The following PIP4K2A variants were observed in gnomAD, a reference collection of about 807,000 sequenced individuals.
The protein encoded by PIP4K2A is phosphatidylinositol 5-phosphate 4-kinase type-2 alpha.
In PIP4K2A, 14 loss-of-function variants were observed where a neutral mutation model predicts 42.9. The observed-to-expected ratio is 0.33, with a 90% CI of 0.22 to 0.51. PIP4K2A has a LOEUF of 0.51. Ranked by LOEUF, PIP4K2A falls within the 20% of genes least tolerant of loss-of-function variation. The pLI, the probability that PIP4K2A is intolerant of heterozygous loss-of-function variation, is 0.97. For missense variants in PIP4K2A, 434 were observed against 519.8 expected (o/e 0.83, Z 1.61); for synonymous variants, 192 against 192.2 (o/e 1.00, Z 0.01).
chr10:22,553,131 G>C (rs758613251), intron 6 of PIP4K2A, among the ~76,000 whole-genome samples: 1 of 152,146 alleles, frequency 6.6e-6, no homozygotes, highest in African/African-American at 2.4e-5. Flanking sequence ...CACTAGGGTC[G>C]TATTTAGATT....
chr10:22,618,526 C>T (rs1838239814), intron 1 of PIP4K2A, among the ~76,000 whole-genome samples: 1 of 152,200 alleles, frequency 6.6e-6, no homozygotes, highest in African/African-American at 2.4e-5. Context: ...AGAACTTTCA[C>T]TTGTTCTCCA....
chr10:22,588,740 G>C (rs979347287), intron 4 of PIP4K2A, among the ~76,000 whole-genome samples: 2 of 152,106 alleles, frequency 1.3e-5, no homozygotes, highest in Non-Finnish European at 2.9e-5. Flanking sequence ...CTTCTACTTA[G>C]TGCCCTTTAA....
intron 1 of PIP4K2A, among the ~76,000 whole-genome samples, chr10:22,625,864 G>A (rs1395713605): frequency 1.3e-5 from 2 of 152,170 alleles, no homozygotes; most frequent in African/African-American, 4.8e-5. Context: ...TCACTGAACA[G>A]AAGAGAAATA....
chr10:22,665,398 C>T (rs1428074734), intron 1 of PIP4K2A, among the ~76,000 whole-genome samples: 1 of 152,248 alleles, frequency 6.6e-6, no homozygotes, highest in South Asian at 2.1e-4. Context: ...AGTGAACGCA[C>T]TATAATTTAT....
chr10:22,547,161 G>A (rs557006996), intron 7 of PIP4K2A, among the ~76,000 whole-genome samples: 5 of 152,214 alleles, frequency 3.3e-5, no homozygotes, highest in African/African-American at 1.2e-4. Context: ...CTAACACACC[G>A]TGTTCTACCA....
chr10:22,541,918 G>A lies in PIP4K2A; in HGVS notation c.922C>T (p.His308Tyr). 1 of 1,614,044 alleles carries A rather than the reference G, an allele frequency of 6.2e-7. No individual in the cohort carries two copies. Among genetic ancestry groups the A allele is most frequent in the Non-Finnish European group, 8.5e-7 (1 of 1,179,976 alleles). The change falls in exon 8 of 10, where the codon CAC becomes TAC. Residue 308 changes from histidine to tyrosine, a missense_variant. Around this residue, in one of 2 missense-constraint regions of PIP4K2A, gnomAD observed 395 missense variants for 444.5 expected, o/e 0.89. Coordinates refer to ENST00000376573, the MANE Select transcript of PIP4K2A (RefSeq NM_005028.5). ...GEEEGESDGTHPVGTPPDSPG... is the reference protein window; with the variant it reads ...GEEEGESDGTYPVGTPPDSPG... ...CTATCTGGGGGGGTTCCCACCGGGT[G>A]GGTGCCATCGCTCTCGCCCTCCTCC...
chr10:22,694,554 T>C (rs575137294), intron 1 of PIP4K2A: 1 of 152,340 alleles, frequency 6.6e-6, no homozygotes, highest in African/African-American at 2.4e-5. Flanking sequence ...CTTACATAAA[T>C]ACAATTTGCT....
chr10:22,615,899 GC>G (rs1664591794), intron 1 of PIP4K2A, among the ~76,000 whole-genome samples: 1 of 152,132 alleles, frequency 6.6e-6, no homozygotes, highest in African/African-American at 2.4e-5. Flanking sequence ...AGTGGCTGGA[GC>G]CTGGGGCCCC....
chr10:22,690,704 A>G (rs1258948167), intron 1 of PIP4K2A, among the ~76,000 whole-genome samples: 11 of 152,228 alleles, frequency 7.2e-5, no homozygotes, highest in Non-Finnish European at 1.3e-4. Flanking sequence ...ATAGCATGGT[A>G]AGAAATAACC....
intron 1 of PIP4K2A, among the ~76,000 whole-genome samples, chr10:22,664,210 T>TATATACATATATATACACAC (rs1839301280): frequency 1.9e-5 from 1 of 53,226 alleles, no homozygotes; most frequent in Non-Finnish European, 3.2e-5. Context: ...TATACATATA[T>TATATACATATATATACACAC]ATATATACAT....
intron 1 of PIP4K2A, among the ~76,000 whole-genome samples, chr10:22,626,874 G>A (rs1353444243): frequency 6.6e-6 from 1 of 152,148 alleles, no homozygotes; most frequent in Non-Finnish European, 1.5e-5. Flanking sequence ...AACTGTCACA[G>A]TTTCATGACT....
intron 1 of PIP4K2A, among the ~76,000 whole-genome samples, chr10:22,675,597 A>T (rs1234775859): frequency 6.6e-6 from 1 of 152,204 alleles, no homozygotes; most frequent in Non-Finnish European, 1.5e-5. Context: ...CTCAAAAAAC[A>T]AACAAACAAA....
chr10:22,690,598 A>C (rs1839848434), intron 1 of PIP4K2A, among the ~76,000 whole-genome samples: 1 of 152,216 alleles, frequency 6.6e-6, no homozygotes, highest in Admixed American at 6.5e-5. Flanking sequence ...TTCTTCAAAG[A>C]GCACAAATAC....
chr10:22,567,885 G>C lies in PIP4K2A; in HGVS notation c.644C>G (p.Ser215Cys). The C allele has an allele frequency of 6.2e-7, 1 of 1,613,800 alleles. No individual in the cohort carries two copies. The highest frequency in any genetic ancestry group is 8.5e-7 in the Non-Finnish European group (1 of 1,179,654). Residue 215 changes from serine to cysteine, a missense_variant, in exon 6 of 10, where the codon TCT (serine) becomes TGT (cysteine). Coordinates refer to ENST00000376573, the MANE Select transcript of PIP4K2A (RefSeq NM_005028.5). The stretch of plus-strand genomic sequence containing the variant: ...GTCACTAGCTTCTCTAGCCACTGTA[G>C]AGCCCTGAAACACAAGGCAATAATA... ...SVYRKYDLKGSTVAREASDKE... is the reference protein window; with the variant it reads ...SVYRKYDLKGCTVAREASDKE...
chr10:22,668,401 T>C (rs1158044027), intron 1 of PIP4K2A, among the ~76,000 whole-genome samples: 5 of 152,208 alleles, frequency 3.3e-5, no homozygotes, highest in Non-Finnish European at 7.4e-5. Context: ...AGACCTCTCC[T>C]GGCTAAGTAG....
chr10:22,664,513 T>C (rs759598761), intron 1 of PIP4K2A, among the ~76,000 whole-genome samples: 9 of 151,690 alleles, frequency 5.9e-5, no homozygotes, highest in Non-Finnish European at 1.0e-4. Context: ...CCAATTTTTC[T>C]CCATTTTTTT....
intron 1 of PIP4K2A, among the ~76,000 whole-genome samples, chr10:22,647,353 CGT>C (rs1838906906): frequency 6.6e-6 from 1 of 151,696 alleles, no homozygotes; most frequent in Non-Finnish European, 1.5e-5. Flanking sequence ...CGCGCGTGTG[CGT>C]GTGTTTTCAA....
intron 5 of PIP4K2A, among the ~76,000 whole-genome samples, chr10:22,569,587 A>T (rs1162150640): frequency 6.6e-6 from 1 of 152,196 alleles, no homozygotes; most frequent in Non-Finnish European, 1.5e-5. Flanking sequence ...AGCACTGCCT[A>T]TGATGCTGGG....
intron 9 of PIP4K2A, among the ~76,000 whole-genome samples, chr10:22,539,106 GC>G (rs1248874865): frequency 1.3e-5 from 2 of 152,096 alleles, no homozygotes; most frequent in African/African-American, 2.4e-5. Context: ...TGCAATACAA[GC>G]CTGAAACTTG....
Sources: gnomAD v4.1 joint callset for allele counts (sites outside exome capture counted in the v4.1 genomes callset) on GRCh38, gnomAD v4.1.1 for gene constraint, gnomAD v4.1.1 regional missense constraint, MANE v1.5 for transcripts, NCBI Gene and HGNC (gene_info 2026-07-23, HGNC 2026-07-21) for gene names.